TENT2: variants seen among roughly 807,000 people sequenced by gnomAD.
TENT2 encodes the protein terminal nucleotidyltransferase 2.
Under a neutral mutation model 72.2 loss-of-function variants are expected in TENT2, and 44 were observed. That is an observed-to-expected ratio of 0.61 (90% confidence interval 0.48 to 0.78). The LOEUF is 0.78. Among genes scored for constraint, TENT2 ranks in the 30% least tolerant of loss-of-function variants. The pLI, the probability that TENT2 is intolerant of heterozygous loss-of-function variation, is 0.00. For synonymous variants in TENT2, 212 were observed against 192.5 expected, an observed-to-expected ratio of 1.10 and a Z score of -0.84; for missense variants, 541 against 569.6, an observed-to-expected ratio of 0.95 and a Z score of 0.51.
At chr5:79,616,781 G>A (rs1038227596) in intron 1 of TENT2, among the ~76,000 whole-genome samples, 1 of 152,164 alleles carries the variant, frequency 6.6e-6, no homozygotes, top group Non-Finnish European at 1.5e-5. Flanking sequence ...AAAGAAAGTT[G>A]ACAGACTCTT....
chr5:79,642,988 A>G (rs968894803), intron 7 of TENT2, 78 bp downstream of exon 7: 7 of 1,551,620 alleles, frequency 4.5e-6, no homozygotes, highest in Middle Eastern at 1.7e-4. Context: ...ATCTTCTGGT[A>G]AGAACTGTTT....
chr5:79,616,189 ATTTTTTTTTTTTTTT>A (rs1229523040), intron 1 of TENT2, among the ~76,000 whole-genome samples: 1 of 88,132 alleles, frequency 1.1e-5, no homozygotes, highest in Admixed American at 1.4e-4. Flanking sequence ...ACCCGGCCTA[ATTTTTTTTTTTTTTT>A]TTTTTTTTTT....
intron 1 of TENT2, among the ~76,000 whole-genome samples, chr5:79,614,901 G>A (rs905590275): frequency 6.6e-6 from 1 of 152,114 alleles, no homozygotes; most frequent in African/African-American, 2.4e-5. Flanking sequence ...ATTCATAGGC[G>A]TTTCATTTAC....
rs998086190 is a variant in TENT2 at position 79,687,483 on chromosome 5, C to A, written c.*2210C>A. 2.0e-5 allele frequency among the ~76,000 whole-genome samples: 3 copies of A among 152,132 alleles called. No individual in the cohort carries two copies. Among genetic ancestry groups the A allele is most frequent in the Admixed American group, 1.3e-4 (2 of 15,274 alleles). On this transcript the variant is annotated 3_prime_UTR_variant, in exon 15 of 15. Transcript: ENST00000453514. ...AAATGGTGTAGTGTTTGCATATATC[C>A]TACACACATTCTCTTGATACTTTAA...
At chr5:79,681,458 A>T (rs888556085) in intron 13 of TENT2, among the ~76,000 whole-genome samples, 5 of 151,982 alleles carry the variant, frequency 3.3e-5, no homozygotes, top group Non-Finnish European at 7.4e-5. Flanking sequence ...GTGTCTGGCC[A>T]GACTTCACTG....
At chr5:79,628,777 C>T (rs989885047) in intron 4 of TENT2, among the ~76,000 whole-genome samples, 1 of 152,140 alleles carries the variant, frequency 6.6e-6, no homozygotes, top group African/African-American at 2.4e-5. Context: ...GCACACTAAT[C>T]ATATAGGGCT....
chr5:79,624,933 A>G (rs559405911), intron 4 of TENT2, among the ~76,000 whole-genome samples: 3 of 152,298 alleles, frequency 2.0e-5, no homozygotes, highest in South Asian at 2.1e-4. Context: ...GCTTGGTCAT[A>G]TGGTAGCTCT....
chr5:79,651,970 G>C (rs371643127), intron 10 of TENT2, among the ~76,000 whole-genome samples: 2 of 151,982 alleles, frequency 1.3e-5, no homozygotes, highest in Non-Finnish European at 2.9e-5. Flanking sequence ...TACAGATGTA[G>C]GGATTAATAT....
chr5:79,665,586 G>A (rs560544893), intron 11 of TENT2, among the ~76,000 whole-genome samples: 3 of 152,212 alleles, frequency 2.0e-5, no homozygotes, highest in South Asian at 4.2e-4. Context: ...GAAAGATTAC[G>A]TGTCTTCTAA....
chr5:79,648,853 A>G lies in TENT2; in HGVS notation c.898+160A>G, dbSNP rs1469101681. 20 of 792,684 alleles carry G rather than the reference A, an allele frequency of 2.5e-5. No individual in the cohort carries two copies. The Admixed American group carries it at 4.7e-4, about 18-fold the overall frequency. The allele number at this position is 792,684 out of a possible 1,614,324, so 49.1% of individuals were successfully genotyped here. On this transcript the variant is annotated intron_variant, in intron 9 of 14. Coordinates refer to ENST00000453514, the MANE Select transcript of TENT2 (RefSeq NM_001114394.3). ...ACACTAAAATCATATACTGTCAGTT[A>G]TAGGTGAATCAAGTGGCATTTTAAT...
chr5:79,656,947 T>C lies in TENT2; in HGVS notation c.1028-11T>C. ...TGAATCACGGAAGCTTTAAACTTTT[T>C]CTTTTTATAGCCCTACCTGAACCCA... On this transcript the variant is annotated splice_polypyrimidine_tract_variant and intron_variant, in intron 10 of 14. Coordinates refer to ENST00000453514, the MANE Select transcript of TENT2 (RefSeq NM_001114394.3). 1 of 1,595,600 alleles carries C rather than the reference T, an allele frequency of 6.3e-7. No homozygotes were observed. The highest frequency in any genetic ancestry group is 8.5e-7 in the Non-Finnish European group (1 of 1,169,946).
In TENT2 at chr5:79,648,624, G is replaced by T. The variant is rs759860889; in HGVS notation, c.829G>T (p.Glu277Ter). 6.3e-7 allele frequency: 1 copy of T among 1,575,914 alleles called. No homozygotes were observed. ...VKFRDKVSCV[E>*]FDLNVNNIVG... ...TTATTTTTTCTTAAATAGTTGTGTGGAGTTTGACTTGAATGTAAACAATAT... is the reference window on the plus strand; with the variant it reads ...TTATTTTTTCTTAAATAGTTGTGTGTAGTTTGACTTGAATGTAAACAATAT... Residue 277 changes from glutamate (E) to a stop codon, truncating the protein, a stop_gained, in exon 9 of 15, where the codon GAG becomes TAG. Coordinates refer to ENST00000453514, the MANE Select transcript of TENT2 (RefSeq NM_001114394.3). LOFTEE classifies it high-confidence loss of function.
chr5:79,646,507 A>G (rs918634664), intron 8 of TENT2, among the ~76,000 whole-genome samples: 8 of 152,220 alleles, frequency 5.3e-5, no homozygotes, highest in African/African-American at 1.7e-4. Context: ...TATATTTTAA[A>G]CAAACTTTAA....
intron 13 of TENT2, 123 bp from the exon 14 acceptor site, chr5:79,681,859 C>A (rs750979109): frequency 1.5e-6 from 1 of 659,906 alleles, no homozygotes; most frequent in Non-Finnish European, 2.6e-6. Context: ...TAGGCTGACC[C>A]ATCTGAAATT....
chr5:79,678,815 C>T (rs1290334563), intron 12 of TENT2, among the ~76,000 whole-genome samples: 1 of 152,214 alleles, frequency 6.6e-6, no homozygotes, highest in African/African-American at 2.4e-5. Context: ...TAGAAGATTA[C>T]TTCTGTCTTA....
chr5:79,648,880 A>G (rs1414212280), intron 9 of TENT2, 182 bp from the exon 10 acceptor site: 2 of 849,578 alleles, frequency 2.4e-6, no homozygotes, highest in African/African-American at 3.5e-5. Context: ...CATTTTAATA[A>G]TTGATAATTT....
At chr5:79,679,730 T>TCTC in intron 13 of TENT2, 60 bp downstream of exon 13, 1 of 956,630 alleles carries the variant, frequency 1.0e-6, no homozygotes, top group Non-Finnish European at 1.5e-6. Context: ...CTTGAGTAAT[T>TCTC]TCAGCTGTGT....
chr5:79,666,082 G>A (rs894818558), intron 11 of TENT2, among the ~76,000 whole-genome samples: 2 of 150,976 alleles, frequency 1.3e-5, no homozygotes, highest in African/African-American at 2.4e-5. Flanking sequence ...TCCACCTCCC[G>A]GATTCAAGCG....
intron 13 of TENT2, chr5:79,681,703 C>T (rs1277534985): frequency 4.3e-6 from 1 of 230,852 alleles, no homozygotes; most frequent in South Asian, 1.5e-4. Context: ...TTTTCAGAAA[C>T]CTTATCCACA....
Sources: allele counts gnomAD v4.1 joint callset (sites outside exome capture counted in the v4.1 genomes callset), GRCh38; gene constraint gnomAD v4.1.1; transcripts MANE v1.5; gene names NCBI Gene and HGNC (gene_info 2026-07-23, HGNC 2026-07-21).